The following RASGRP3 variants were observed in gnomAD, a reference collection of about 807,000 sequenced individuals.
The protein encoded by RASGRP3 is ras guanyl-releasing protein 3.
RASGRP3 carries 54 observed loss-of-function variants against 82.7 expected under a neutral mutation model. The ratio of observed to expected loss-of-function variants is 0.65; its 90% confidence interval spans 0.52 to 0.82. RASGRP3 has a LOEUF of 0.82. Ranked by LOEUF, RASGRP3 falls within the 40% of genes least tolerant of loss-of-function variation. RASGRP3 has a pLI of 0.00. For missense variants in RASGRP3, 861 were observed against 828.9 expected (o/e 1.04, Z -0.48); for synonymous variants, 309 against 300.5 (o/e 1.03, Z -0.29).
intron 1 of RASGRP3, among the ~76,000 whole-genome samples, chr2:33,499,216 A>T (rs1220551128): frequency 6.6e-6 from 1 of 152,002 alleles, no homozygotes; most frequent in Non-Finnish European, 1.5e-5. Context: ...AAGGTGAACC[A>T]CCTGTCTCCC....
chr2:33,510,915 T>C (rs1162959540), intron 1 of RASGRP3, among the ~76,000 whole-genome samples: 1 of 152,188 alleles, frequency 6.6e-6, no homozygotes, highest in Non-Finnish European at 1.5e-5. Context: ...TACCTTTTAT[T>C]ATTTCTAAAA....
intron 11 of RASGRP3, among the ~76,000 whole-genome samples, chr2:33,538,811 G>A (rs1449414799): frequency 2.6e-5 from 4 of 152,114 alleles, no homozygotes; most frequent in Non-Finnish European, 1.5e-5. Context: ...GGCTGAGGCC[G>A]GAGAATTGCT....
At chr2:33,529,311 G>T (rs545865084) in intron 10 of RASGRP3, among the ~76,000 whole-genome samples, 9 of 151,314 alleles carry the variant, frequency 5.9e-5, no homozygotes. Flanking sequence ...TGGCTAACAC[G>T]GTGAAACGCC....
intron 2 of RASGRP3, among the ~76,000 whole-genome samples, chr2:33,457,747 T>G (rs1276704648): frequency 1.3e-5 from 2 of 152,180 alleles, no homozygotes; most frequent in Admixed American, 1.3e-4. Context: ...CTTACGTGAC[T>G]GATTGGGGAA....
chr2:33,551,409 C>T (rs918787970), intron 14 of RASGRP3, among the ~76,000 whole-genome samples: 10 of 152,104 alleles, frequency 6.6e-5, no homozygotes, highest in Admixed American at 4.6e-4. Flanking sequence ...GGGATGGGGC[C>T]GTGCATAACA....
rs978111821 is a variant in RASGRP3, at chr2:33,549,166, G to A, written c.1395-438G>A. 5.3e-5 allele frequency among the ~76,000 whole-genome samples: 8 copies of A among 152,104 alleles called. No individual in the cohort carries two copies. In the East Asian group the frequency reaches 7.7e-4, roughly 15 times the overall value. ...GAGTGAAAATATCACCAAGGAGCCC[G>A]GACAGCATCAAGCTGAATGAATTTG... On this transcript the variant is annotated intron_variant, in intron 13 of 17. Transcript: ENST00000403687.
chr2:33,544,219 C>A (rs569792785), intron 13 of RASGRP3, among the ~76,000 whole-genome samples: 11 of 151,838 alleles, frequency 7.2e-5, no homozygotes, highest in Non-Finnish European at 1.5e-4. Context: ...GTGGCTGAGG[C>A]GGGAGAATTG....
chr2:33,542,992 C>A (rs1040968567), intron 12 of RASGRP3, among the ~76,000 whole-genome samples: 1 of 151,986 alleles, frequency 6.6e-6, no homozygotes, highest in African/African-American at 2.4e-5. Context: ...CGCGCCCAGC[C>A]GAAGTTTTAT....
chr2:33,478,393 C>G (rs1667568589), intron 1 of RASGRP3, among the ~76,000 whole-genome samples: 1 of 152,032 alleles, frequency 6.6e-6, no homozygotes, highest in Admixed American at 6.6e-5. Flanking sequence ...GGAGGGGGTT[C>G]CTCCTGAGTC....
At chr2:33,555,641 C>T in intron 15 of RASGRP3, 74 bp downstream of exon 15, 1 of 1,263,720 alleles carries the variant, frequency 7.9e-7, no homozygotes, top group East Asian at 2.5e-5. Context: ...TCTGGTTAAA[C>T]TACAAAAGCT....
At chr2:33,462,624 C>T (rs527512105) in intron 2 of RASGRP3, among the ~76,000 whole-genome samples, 4 of 152,156 alleles carry the variant, frequency 2.6e-5, no homozygotes, top group East Asian at 1.9e-4. Flanking sequence ...GTGATTCACC[C>T]GCCTCAGCCT....
intron 1 of RASGRP3, among the ~76,000 whole-genome samples, chr2:33,483,165 G>T (rs528411394): frequency 6.6e-6 from 1 of 152,230 alleles, no homozygotes; most frequent in Admixed American, 6.5e-5. Flanking sequence ...ATGTATAAAT[G>T]ATTTCTGTGC....
In RASGRP3 at chr2:33,562,802, G is replaced by T; in HGVS notation, c.*65G>T. 3 of 1,571,834 alleles carry T rather than the reference G, an allele frequency of 1.9e-6. No individual in the cohort carries two copies. The highest frequency in any genetic ancestry group is 2.6e-6 in the Non-Finnish European group (3 of 1,142,420). ...TGGAAGGGGCAAGACGAGAAACTCT[G>T]AAGAAAGCTCTGACTCTCAGGAAGT... On this transcript the variant is annotated 3_prime_UTR_variant, in exon 18 of 18. Transcript: ENST00000403687.
intron 11 of RASGRP3, among the ~76,000 whole-genome samples, chr2:33,535,239 G>C (rs1023053837): frequency 6.6e-6 from 1 of 152,206 alleles, no homozygotes; most frequent in Non-Finnish European, 1.5e-5. Flanking sequence ...TATATAATGA[G>C]ATTGAAGAAA....
At chr2:33,538,037 T>C (rs1673826734) in intron 11 of RASGRP3, among the ~76,000 whole-genome samples, 1 of 152,234 alleles carries the variant, frequency 6.6e-6, no homozygotes, top group South Asian at 2.1e-4. Context: ...ATTTGCTGCA[T>C]GCACCATAAC....
chr2:33,453,571 A>G (rs766515143), intron 2 of RASGRP3, among the ~76,000 whole-genome samples: 3 of 152,150 alleles, frequency 2.0e-5, no homozygotes, highest in Non-Finnish European at 2.9e-5. Flanking sequence ...GGCTTCTTTC[A>G]GAGTGAGAGA....
At chr2:33,526,747 A>G (rs1672601827) in intron 9 of RASGRP3, among the ~76,000 whole-genome samples, 1 of 152,164 alleles carries the variant, frequency 6.6e-6, no homozygotes, top group Admixed American at 6.5e-5. Context: ...TCCCAAATTA[A>G]CCTCGAGTAA....
chr2:33,496,856 T>G (rs1669369808), intron 1 of RASGRP3, among the ~76,000 whole-genome samples: 2 of 152,060 alleles, frequency 1.3e-5, no homozygotes, highest in South Asian at 4.1e-4. Context: ...GAACTTATCT[T>G]AAAAAGAAAA....
upstream of RASGRP3, among the ~76,000 whole-genome samples, chr2:33,474,080 C>G (rs778999128): frequency 1.3e-5 from 2 of 152,110 alleles, no homozygotes; most frequent in African/African-American, 4.8e-5. Flanking sequence ...GACTGCTGCT[C>G]ACCTCCTGCT....
Sources: allele counts gnomAD v4.1 joint callset (sites outside exome capture counted in the v4.1 genomes callset), GRCh38; gene constraint gnomAD v4.1.1; transcripts MANE v1.5; gene names NCBI Gene and HGNC (gene_info 2026-07-23, HGNC 2026-07-21).